Variants in SPMAP2 observed in about 807,000 individuals in gnomAD.
SPMAP2 encodes Theg homolog.
chr19:362,319 T>C, the SPMAP2 span: 190 of 1,610,260 alleles, frequency 1.2e-4, 3 homozygotes, highest in South Asian at 1.9e-3. Flanking sequence ...ACTTTGGGCT[T>C]GGCCAGGGAG....
At chr19:364,241 G>A in the SPMAP2 span, among the ~76,000 whole-genome samples, 392 of 149,558 alleles carry the variant, frequency 2.6e-3, 3 homozygotes, top group Middle Eastern at 0.01. Context: ...GGAGGCTGAG[G>A]CAGGAGAACG....
the SPMAP2 span, chr19:371,367 GGGGT>G: frequency 2.0e-3 from 1,427 of 714,016 alleles, 46 homozygotes; most frequent in South Asian, 5.7e-3. Flanking sequence ...GCCGGGGGTG[GGGGT>G]GTGTGTGTGT....
At chr19:367,799 G>A in the SPMAP2 span, among the ~76,000 whole-genome samples, 5 of 152,158 alleles carry the variant, frequency 3.3e-5, no homozygotes, top group South Asian at 4.1e-4. Context: ...CCGGGCGCCC[G>A]GCCGCTGGGG....
the SPMAP2 span, among the ~76,000 whole-genome samples, chr19:373,245 A>C: frequency 2.0e-5 from 3 of 152,130 alleles, no homozygotes; most frequent in Non-Finnish European, 4.4e-5. Flanking sequence ...TCTTTTTGTA[A>C]ATTCTTGCCC....
chr19:364,916 A>G, the SPMAP2 span, among the ~76,000 whole-genome samples: 7 of 152,194 alleles, frequency 4.6e-5, no homozygotes, highest in East Asian at 1.4e-3. Context: ...TTTCTGGGAA[A>G]GCTCCCACCT....
chr19:362,404 C>T, the SPMAP2 span: 1 of 1,606,026 alleles, frequency 6.2e-7, no homozygotes, highest in African/African-American at 1.3e-5. Flanking sequence ...CAGGAACGCA[C>T]TTGTCCGACT....
At chr19:375,683 TTCCAAG>T in the SPMAP2 span, 3 of 1,590,802 alleles carry the variant, frequency 1.9e-6, no homozygotes, top group African/African-American at 4.0e-5. Context: ...GAATGTCCTC[TTCCAAG>T]TCCTTGTCCA....
the SPMAP2 span, chr19:373,980 T>A: frequency 1.2e-6 from 2 of 1,613,560 alleles, no homozygotes; most frequent in Non-Finnish European, 1.7e-6. Flanking sequence ...CATGGGGAGA[T>A]CCAGGCATAC....
chr19:366,620 A>T, the SPMAP2 span, among the ~76,000 whole-genome samples: 1 of 152,242 alleles, frequency 6.6e-6, no homozygotes, highest in Non-Finnish European at 1.5e-5. Context: ...ACCGTCTTAC[A>T]TAAAGAGCTG....
chr19:362,991 A>G, the SPMAP2 span, among the ~76,000 whole-genome samples: 1 of 152,064 alleles, frequency 6.6e-6, no homozygotes, highest in Non-Finnish European at 1.5e-5. Context: ...CCATTTATAC[A>G]AATGTCCAGG....
At chr19:374,194 G>A in the SPMAP2 span, 9 of 1,549,382 alleles carry the variant, frequency 5.8e-6, no homozygotes, top group Non-Finnish European at 7.9e-6. Flanking sequence ...TGTGGTGGCA[G>A]CTGGGGGAGG....
chr19:366,249 ATATATT>A, the SPMAP2 span, among the ~76,000 whole-genome samples: 1 of 152,136 alleles, frequency 6.6e-6, no homozygotes, highest in Non-Finnish European at 1.5e-5. Context: ...ACACACGGAT[ATATATT>A]TATATGTACA....
chr19:364,134 C>G, the SPMAP2 span, among the ~76,000 whole-genome samples: 3 of 150,476 alleles, frequency 2.0e-5, no homozygotes, highest in Non-Finnish European at 3.0e-5. Flanking sequence ...GAGATCGAGA[C>G]CATCCTGGCT....
the SPMAP2 span, chr19:373,679 C>G: frequency 2.8e-6 from 2 of 720,012 alleles, no homozygotes; most frequent in East Asian, 2.7e-5. Flanking sequence ...AGTGGGGGGG[C>G]CGGCGGGACG....
chr19:368,271 G>A, the SPMAP2 span, among the ~76,000 whole-genome samples: 11 of 152,306 alleles, frequency 7.2e-5, no homozygotes, highest in Admixed American at 2.0e-4. The surrounding 1 kb of genome is among the most constrained non-coding windows in gnomAD (Gnocchi z 4.1). Context: ...TGAGTACTGC[G>A]CGGCGCTCAG....
At chr19:367,017 G>C in the SPMAP2 span, 1 of 1,595,460 alleles carries the variant, frequency 6.3e-7, no homozygotes, top group South Asian at 1.1e-5. Flanking sequence ...TGTCCCTTGG[G>C]ATCTGAACAG....
chr19:371,250 G>A, the SPMAP2 span: 6,780 of 1,515,404 alleles, frequency 4.5e-3, 166 homozygotes, highest in East Asian at 0.073. Context: ...TCTTCGGGGC[G>A]GCCAGTTCCT....
At chr19:366,071 C>T in the SPMAP2 span, among the ~76,000 whole-genome samples, 1 of 151,648 alleles carries the variant, frequency 6.6e-6, no homozygotes, top group Admixed American at 6.6e-5. Flanking sequence ...ACCCAGGAGG[C>T]GGAGCTTGCA....
At chr19:366,139 CA>C in the SPMAP2 span, among the ~76,000 whole-genome samples, 246 of 141,418 alleles carry the variant, frequency 1.7e-3, no homozygotes, top group Admixed American at 2.1e-3. Flanking sequence ...GACTCCATCT[CA>C]AAAAAAAAAA....
Sources: allele counts gnomAD v4.1 joint callset (sites outside exome capture counted in the v4.1 genomes callset), GRCh38; gene constraint gnomAD v4.1.1; non-coding constraint Gnocchi (gnomAD v3.1); transcripts MANE v1.5; gene names NCBI Gene and HGNC (gene_info 2026-07-23, HGNC 2026-07-21).